Variants in ADAM23 observed in about 807,000 individuals in gnomAD.
ADAM23 encodes the protein disintegrin and metalloproteinase domain-containing protein 23.
Under a neutral mutation model 120.1 loss-of-function variants are expected in ADAM23, and 33 were observed. That is an observed-to-expected ratio of 0.27 (90% confidence interval 0.21 to 0.37). The LOEUF is 0.37. ADAM23 is among the 10% of genes least tolerant of loss of function. The probability of loss-of-function intolerance (pLI) is 1.00; values close to 1 mark genes in which losing one functional copy is unlikely to be tolerated. For missense variants in ADAM23, 862 were observed against 1,058.2 expected (o/e 0.81, Z 2.57); for synonymous variants, 367 against 375.2 (o/e 0.98, Z 0.25).
chr2:206,580,216 C>T (rs369332848), intron 18 of ADAM23, among the ~76,000 whole-genome samples: 21 of 152,210 alleles, frequency 1.4e-4, no homozygotes, highest in African/African-American at 3.6e-4. Flanking sequence ...CTTTCTTTCT[C>T]TTGTCTGATT....
rs888606457 is a variant in ADAM23 at position 206,443,754 on chromosome 2, C to T, written c.-113C>T. The T allele has an allele frequency of 8.1e-5, 39 of 479,762 alleles. No individual in the cohort carries two copies. Among genetic ancestry groups the T allele is most frequent in the East Asian group, 3.0e-4 (2 of 6,632 alleles). 29.7% of individuals were successfully genotyped at this position (479,762 alleles called of 1,614,324 possible). On this transcript the variant is annotated 5_prime_UTR_variant, in exon 1 of 26. Coordinates refer to ENST00000264377, the MANE Select transcript of ADAM23 (RefSeq NM_003812.4). ...TGCCCCGAGCCCGGAGCCCCCTGCC[C>T]GCCGCGGCACCATGCGCGCCGAGCC...
At position 206,594,916 on chromosome 2, in the gene ADAM23, A is replaced by G. The variant is rs753652662; in HGVS notation, c.2247+11A>G. ...TGTTCGGGCCATGGGGTAAGTAGGT[A>G]TCAATGTGACAGCTGGAACCTTCAT... On this transcript the variant is annotated intron_variant, in intron 23 of 25. Coordinates refer to ENST00000264377, the MANE Select transcript of ADAM23 (RefSeq NM_003812.4). 2.5e-6 allele frequency: 4 copies of G among 1,613,860 alleles called. No homozygotes were observed. Among genetic ancestry groups the G allele is most frequent in the African/African-American group, 1.3e-5 (1 of 75,044 alleles).
At chr2:206,577,009 T>G (rs1161295565) in intron 18 of ADAM23, among the ~76,000 whole-genome samples, 1 of 152,194 alleles carries the variant, frequency 6.6e-6, no homozygotes, top group Non-Finnish European at 1.5e-5. Flanking sequence ...TATAGCATAA[T>G]GTACAAGGAA....
intron 2 of ADAM23, among the ~76,000 whole-genome samples, chr2:206,462,330 C>T (rs187506066): frequency 1.6e-4 from 24 of 152,302 alleles, no homozygotes; most frequent in East Asian, 1.3e-3. Flanking sequence ...TCTCCCAGCA[C>T]GCCCCAAAGG....
At chr2:206,565,553 A>G (rs1697860214) in intron 14 of ADAM23, among the ~76,000 whole-genome samples, 1 of 152,224 alleles carries the variant, frequency 6.6e-6, no homozygotes, top group Admixed American at 6.5e-5. Context: ...TCTTCTAGTG[A>G]TAGACATTTG....
chr2:206,452,236 A>T (rs947963604), intron 2 of ADAM23, among the ~76,000 whole-genome samples: 3 of 152,026 alleles, frequency 2.0e-5, no homozygotes, highest in African/African-American at 7.2e-5. Flanking sequence ...TTGAGTTTGG[A>T]TCCTTGTCTT....
At chr2:206,587,528 A>T (rs1018786608) in intron 19 of ADAM23, among the ~76,000 whole-genome samples, 153 bp downstream of exon 19, 2 of 152,096 alleles carry the variant, frequency 1.3e-5, no homozygotes, top group Non-Finnish European at 2.9e-5. Context: ...GCTTCATGTT[A>T]TGCCAAATAT....
chr2:206,495,029 T>G (rs940444852), intron 3 of ADAM23, among the ~76,000 whole-genome samples: 1 of 152,216 alleles, frequency 6.6e-6, no homozygotes, highest in South Asian at 2.1e-4. Context: ...CTAATTGGTG[T>G]ACCTGAAAGT....
At chr2:206,517,695 CCT>C (rs1217095461) in intron 3 of ADAM23, among the ~76,000 whole-genome samples, 3 of 152,080 alleles carry the variant, frequency 2.0e-5, no homozygotes, top group Non-Finnish European at 4.4e-5. Context: ...TTTTTCTACC[CCT>C]GTCATGAGTT....
chr2:206,547,028 A>G (rs1466953233), intron 6 of ADAM23, among the ~76,000 whole-genome samples: 1 of 152,142 alleles, frequency 6.6e-6, no homozygotes, highest in Non-Finnish European at 1.5e-5. Context: ...GTAATTAACT[A>G]TGGATATCGT....
chr2:206,548,000 G>A (rs1408430665), intron 7 of ADAM23, among the ~76,000 whole-genome samples: 4 of 109,116 alleles, frequency 3.7e-5, no homozygotes, highest in African/African-American at 1.3e-4. Context: ...ATTAGACATA[G>A]TAGAACTCTG....
chr2:206,592,508 A>AAAGAAAGATAATATTTTAAAAAT, intron 21 of ADAM23, 109 bp from the exon 22 acceptor site: 2 of 1,349,694 alleles, frequency 1.5e-6, no homozygotes, highest in Non-Finnish European at 2.0e-6. Context: ...TTTTGTTTAG[A>AAAGAAAGATAATATTTTAAAAAT]AAGAAAGATA....
chr2:206,485,607 G>T (rs1695995624), intron 3 of ADAM23, among the ~76,000 whole-genome samples: 1 of 152,214 alleles, frequency 6.6e-6, no homozygotes. Flanking sequence ...GCTTGTGGAG[G>T]CATCTCATGG....
At chr2:206,514,689 C>T (rs760379899) in intron 3 of ADAM23, among the ~76,000 whole-genome samples, 2 of 152,138 alleles carry the variant, frequency 1.3e-5, no homozygotes, top group Non-Finnish European at 2.9e-5. Context: ...TCACATGCTA[C>T]AGAGAAATCT....
rs867330866 is a variant in ADAM23 at position 206,617,480 on chromosome 2, G to A, written c.2451-99G>A. ...AGTTAATTACTTTGCTCTGGAACTA[G>A]CATTATTGTCATTATCATCACCATT... On this transcript the variant is annotated intron_variant, in intron 25 of 25. Transcript: ENST00000264377. 5.1e-5 allele frequency: 69 copies of A among 1,343,998 alleles called. 1 individual carries two copies. In the Middle Eastern group the frequency reaches 9.5e-4, roughly 18 times the overall value. The allele number at this position is 1,343,998 out of a possible 1,614,324, so 83.3% of individuals were successfully genotyped here. A position where few individuals can be genotyped will look rare whatever the true frequency, so the allele number is the denominator to read the frequency against.
intron 24 of ADAM23, among the ~76,000 whole-genome samples, chr2:206,598,932 C>T (rs927234679): frequency 3.8e-4 from 57 of 149,160 alleles, no homozygotes; most frequent in African/African-American, 1.3e-3. Flanking sequence ...AGGCCAGGCA[C>T]GGTGGCTTAC....
intron 2 of ADAM23, among the ~76,000 whole-genome samples, chr2:206,462,350 TTC>T (rs2105860604): frequency 6.6e-6 from 1 of 152,296 alleles, no homozygotes; most frequent in African/African-American, 2.4e-5. Flanking sequence ...GCTGTTACAT[TTC>T]TGTTTTTAGT....
chr2:206,520,324 G>C (rs189924296), intron 3 of ADAM23, among the ~76,000 whole-genome samples: 1 of 152,250 alleles, frequency 6.6e-6, no homozygotes, highest in Admixed American at 6.5e-5. Context: ...GAGAGGAAGA[G>C]AGCACACAAA....
chr2:206,523,516 G>A (rs2300965), intron 3 of ADAM23, among the ~76,000 whole-genome samples: 12,117 of 152,060 alleles, frequency 0.08, 607 homozygotes, highest in Admixed American at 0.13. Context: ...CCATGTCCTC[G>A]ATCTTTTAAC....
Sources: gnomAD v4.1 joint callset for allele counts (sites outside exome capture counted in the v4.1 genomes callset) on GRCh38, gnomAD v4.1.1 for gene constraint, MANE v1.5 for transcripts, NCBI Gene and HGNC (gene_info 2026-07-23, HGNC 2026-07-21) for gene names.